Variants in ZBTB20 observed in about 807,000 individuals in gnomAD.
ZBTB20 encodes zinc finger and BTB domain containing 20.
ZBTB20 carries 9 observed loss-of-function variants against 56.9 expected under a neutral mutation model. The observed-to-expected ratio is 0.16, with a 90% CI of 0.10 to 0.28. ZBTB20 has a LOEUF of 0.28. ZBTB20 is among the 10% of genes least tolerant of loss of function. The probability of loss-of-function intolerance (pLI) is 1.00; values close to 1 mark genes in which losing one functional copy is unlikely to be tolerated. For missense variants in ZBTB20, 655 were observed against 1,003.0 expected (o/e 0.65, Z 4.69); for synonymous variants, 417 against 420.7 (o/e 0.99, Z 0.11).
chr3:114,880,583 A>C (rs924577810), intron 4 of ZBTB20, among the ~76,000 whole-genome samples: 1 of 152,174 alleles, frequency 6.6e-6, no homozygotes, highest in East Asian at 1.9e-4. Context: ...TATTTACCTG[A>C]TGACATAATC....
At chr3:115,103,422 G>A (rs970813896) in intron 1 of ZBTB20, among the ~76,000 whole-genome samples, 1 of 152,140 alleles carries the variant, frequency 6.6e-6, no homozygotes, top group Non-Finnish European at 1.5e-5. Flanking sequence ...AACAAAGTTG[G>A]ACAAATGAAA....
chr3:114,441,281 G>A (rs888749981), intron 7 of ZBTB20, among the ~76,000 whole-genome samples: 2 of 152,164 alleles, frequency 1.3e-5, no homozygotes, highest in East Asian at 1.9e-4. Context: ...CTGCCACTCC[G>A]GCTCATTTAG....
chr3:114,935,344 T>C (rs2076496570), intron 3 of ZBTB20, among the ~76,000 whole-genome samples: 1 of 152,204 alleles, frequency 6.6e-6, no homozygotes. Flanking sequence ...GAGACACACT[T>C]GAGGAAGCTC....
At chr3:115,067,378 T>C in intron 2 of ZBTB20, among the ~76,000 whole-genome samples, 1 of 152,186 alleles carries the variant, frequency 6.6e-6, no homozygotes, top group Middle Eastern at 3.4e-3. Flanking sequence ...GTTAGTCAAA[T>C]GTCATGAGTG....
chr3:115,022,386 T>C (rs1227042780), intron 2 of ZBTB20, among the ~76,000 whole-genome samples: 2 of 151,040 alleles, frequency 1.3e-5, no homozygotes, highest in East Asian at 3.9e-4. Context: ...TTAAACAGTA[T>C]AGCTATTGCT....
chr3:114,595,838 A>T (rs2056268660), intron 6 of ZBTB20, among the ~76,000 whole-genome samples: 1 of 152,248 alleles, frequency 6.6e-6, no homozygotes, highest in Non-Finnish European at 1.5e-5. Context: ...TTAAGAGCTC[A>T]CAGCAGTCCA....
At chr3:115,123,646 G>C (rs541672836) in intron 1 of ZBTB20, among the ~76,000 whole-genome samples, 1 of 152,104 alleles carries the variant, frequency 6.6e-6, no homozygotes, top group African/African-American at 2.4e-5. Flanking sequence ...CCTAAGACCT[G>C]ACATATGTCA....
chr3:114,428,151 C>A (rs564308603), intron 7 of ZBTB20, among the ~76,000 whole-genome samples: 11 of 152,210 alleles, frequency 7.2e-5, no homozygotes, highest in Non-Finnish European at 1.5e-4. Flanking sequence ...TAGAGAGAAT[C>A]CCCCATACCC....
chr3:115,088,682 G>A (rs2083078911), intron 1 of ZBTB20, among the ~76,000 whole-genome samples: 1 of 151,732 alleles, frequency 6.6e-6, no homozygotes. Context: ...GCATACATGT[G>A]CTGTCATTTT....
At chr3:114,742,022 T>C (rs1331602661) in intron 5 of ZBTB20, among the ~76,000 whole-genome samples, 3 of 152,144 alleles carry the variant, frequency 2.0e-5, no homozygotes, top group African/African-American at 7.2e-5. Flanking sequence ...TACCAACAAC[T>C]GAACTCTTAG....
intron 6 of ZBTB20, among the ~76,000 whole-genome samples, chr3:114,690,896 C>T (rs1299939474): frequency 6.6e-6 from 1 of 152,116 alleles, no homozygotes; most frequent in Non-Finnish European, 1.5e-5. Context: ...GGGGACTATG[C>T]TTTCCTTTCA....
At chr3:114,971,670 G>T (rs1182115562) in intron 3 of ZBTB20, among the ~76,000 whole-genome samples, 2 of 152,196 alleles carry the variant, frequency 1.3e-5, no homozygotes, top group Non-Finnish European at 2.9e-5. Context: ...TGGTGTATGA[G>T]AAGAATGGAT....
intron 6 of ZBTB20, among the ~76,000 whole-genome samples, chr3:114,591,752 G>T (rs2055787996): frequency 6.6e-6 from 1 of 152,098 alleles, no homozygotes; most frequent in Admixed American, 6.5e-5. Flanking sequence ...TTTATTCCCA[G>T]TTTTACTGAG....
chr3:114,586,812 A>G (rs774920667), intron 6 of ZBTB20, among the ~76,000 whole-genome samples: 5 of 152,112 alleles, frequency 3.3e-5, no homozygotes, highest in African/African-American at 1.2e-4. Context: ...AAATAACAGC[A>G]CATGTTCCTT....
At chr3:115,015,401 TC>T (rs1169307886) in intron 2 of ZBTB20, among the ~76,000 whole-genome samples, 1 of 151,796 alleles carries the variant, frequency 6.6e-6, no homozygotes, top group Non-Finnish European at 1.5e-5. Flanking sequence ...GCTGCACAGA[TC>T]AACCCATCAC....
At chr3:114,708,342 T>A (rs149472375) in intron 5 of ZBTB20, among the ~76,000 whole-genome samples, 54 of 152,230 alleles carry the variant, frequency 3.5e-4, no homozygotes, top group African/African-American at 1.3e-3. Flanking sequence ...CTTTAAGATG[T>A]TACCACCGAA....
At chr3:115,030,453 G>A (rs1398061897) in intron 2 of ZBTB20, among the ~76,000 whole-genome samples, 2 of 151,112 alleles carry the variant, frequency 1.3e-5, no homozygotes, top group Non-Finnish European at 3.0e-5. Flanking sequence ...AAGAGAAAGG[G>A]TAATATTTTA....
chr3:115,014,249 T>C lies in ZBTB20; in HGVS notation c.-506-39833A>G, dbSNP rs1322595139. Among the ~76,000 whole-genome samples, 3 of 151,748 alleles carry C rather than the reference T, an allele frequency of 2.0e-5. No individual in the cohort carries two copies. In the South Asian group the frequency reaches 6.2e-4, roughly 32 times the overall value. ...ATAGAGATAAAGAGAAGGATGGCTA[T>C]CAGAGGTTGGGAAAGATAGTTGTTT... On this transcript the variant is annotated intron_variant, in intron 2 of 11. Coordinates refer to ENST00000675478, the MANE Select transcript of ZBTB20 (RefSeq NM_001348800.3).
rs189851795 is a variant in ZBTB20, at chr3:115,006,099, G to T, written c.-506-31683C>A. 2.6e-3 allele frequency among the ~76,000 whole-genome samples: 390 copies of T among 151,264 alleles called. 2 individuals carry two copies. Among genetic ancestry groups the T allele is most frequent in the African/African-American group, 9.3e-3 (382 of 41,290 alleles). ...TTCAAACATCCTATTCCTTGCCCTG[G>T]ATTTCTGCATCACTGGATCCTTCTT... On this transcript the variant is annotated intron_variant, in intron 2 of 11. Transcript: ENST00000675478.
Sources: allele counts gnomAD v4.1 joint callset (sites outside exome capture counted in the v4.1 genomes callset), GRCh38; gene constraint gnomAD v4.1.1; transcripts MANE v1.5; gene names NCBI Gene and HGNC (gene_info 2026-07-23, HGNC 2026-07-21).